Variants in NLRP1 observed in about 807,000 individuals in gnomAD.
The protein encoded by NLRP1 is NLR family pyrin domain containing 1, also known as NACHT, LRR and PYD domains-containing protein 1.
In NLRP1, 94 loss-of-function variants were observed where a neutral mutation model predicts 136.7. The observed-to-expected ratio is 0.69, with a 90% CI of 0.58 to 0.82. The LOEUF (loss-of-function observed/expected upper bound fraction) is 0.82. Ranked by LOEUF, NLRP1 falls within the 40% of genes least tolerant of loss-of-function variation. NLRP1 has a pLI of 0.00. For synonymous variants in NLRP1, 690 were observed against 725.1 expected, an observed-to-expected ratio of 0.95 and a Z score of 0.78; for missense variants, 1,575 against 1,802.7, an observed-to-expected ratio of 0.87 and a Z score of 2.29.
At chr17:5,510,453 AC>A (rs1907567642), downstream of NLRP1, among the ~76,000 whole-genome samples, 1 of 151,762 alleles carries the variant, frequency 6.6e-6, no homozygotes. Context: ...TGTGCCTCCC[AC>A]GTACAAGCAA....
intron 3 of NLRP1, among the ~76,000 whole-genome samples, chr17:5,570,878 C>T (rs1350047275): frequency 6.6e-6 from 1 of 152,120 alleles, no homozygotes; most frequent in African/African-American, 2.4e-5. Flanking sequence ...TACTAGCAAA[C>T]TGAATCCAGC....
At chr17:5,534,197 T>C (rs1910733154) in intron 8 of NLRP1, among the ~76,000 whole-genome samples, 1 of 151,902 alleles carries the variant, frequency 6.6e-6, no homozygotes, top group Non-Finnish European at 1.5e-5. Context: ...CCTCCCCACC[T>C]CATCTCTGCC....
chr17:5,534,960 G>A (rs549313793), intron 8 of NLRP1, among the ~76,000 whole-genome samples: 4 of 152,296 alleles, frequency 2.6e-5, no homozygotes, highest in South Asian at 2.1e-4. Context: ...GGTGGCTCAC[G>A]CCTGGAATCC....
intron 5 of NLRP1, among the ~76,000 whole-genome samples, chr17:5,545,419 C>G (rs141550524): frequency 1.4e-3 from 209 of 150,230 alleles, no homozygotes; most frequent in African/African-American, 4.8e-3. Context: ...CACACATACA[C>G]AGACATACAC....
chr17:5,573,219 G>C (rs1041963494), intron 3 of NLRP1, among the ~76,000 whole-genome samples: 1 of 152,186 alleles, frequency 6.6e-6, no homozygotes, highest in Admixed American at 6.5e-5. Flanking sequence ...CTCACTTATT[G>C]CTAGCCAGCA....
rs775062733 is a variant in NLRP1 at position 5,582,801 on chromosome 17, C to G, written c.317G>C (p.Gly106Ala). 1 of 1,613,760 alleles carries G rather than the reference C, an allele frequency of 6.2e-7. No individual in the cohort carries two copies. The change falls in exon 2 of 17, where the codon GGG becomes GCG. Residue 106 changes from glycine to alanine, a missense_variant. By Grantham distance (60) the Gly-to-Ala change is moderately conservative. Coordinates refer to ENST00000572272, the MANE Select transcript of NLRP1 (RefSeq NM_033004.4). ...GGTGGAGGTGGGTTGGCTGGGAGAC[C>G]CCAGGTGGGGTTCACTTGGGCTGTA... is the stretch of plus-strand genomic sequence containing the variant. ...FPYSPSEPHLGSPSQPTSTAV... is the reference protein window; with the variant it reads ...FPYSPSEPHLASPSQPTSTAV...
chr17:5,567,409 A>G (rs566224972), intron 3 of NLRP1, among the ~76,000 whole-genome samples: 1 of 151,986 alleles, frequency 6.6e-6, no homozygotes, highest in Non-Finnish European at 1.5e-5. Context: ...TAACAACACT[A>G]TTTGGATAAA....
chr17:5,583,084 T>A lies in NLRP1; in HGVS notation c.272-238A>T, dbSNP rs1362795903. ...TTTGCATATCTGTCTTGGTCCTGAC[T>A]ATCTCCCTGTGTAAATCACTACTCC... On this transcript the variant is annotated intron_variant, in intron 1 of 16. Coordinates refer to ENST00000572272, the MANE Select transcript of NLRP1 (RefSeq NM_033004.4). This position sits in a 1 kb window ranked among gnomAD's most constrained non-coding sequence, Gnocchi z 4.5. Among the ~76,000 whole-genome samples, 1 of 152,174 alleles carries A rather than the reference T, an allele frequency of 6.6e-6. No individual in the cohort carries two copies. Among genetic ancestry groups the A allele is most frequent in the Non-Finnish European group, 1.5e-5 (1 of 68,032 alleles).
chr17:5,521,970 G>A (rs569989481), intron 12 of NLRP1, among the ~76,000 whole-genome samples, 184 bp from the exon 13 acceptor site: 224 of 152,284 alleles, frequency 1.5e-3, no homozygotes, highest in African/African-American at 5.0e-3. Context: ...GATTACAGGC[G>A]CCTGCCACCA....
chr17:5,533,249 G>T, intron 10 of NLRP1, 55 bp downstream of exon 10: 1 of 1,551,424 alleles, frequency 6.4e-7, no homozygotes, highest in East Asian at 2.4e-5. Flanking sequence ...AGGTGGGCAG[G>T]TTGAGAGAGA....
intron 5 of NLRP1, among the ~76,000 whole-genome samples, chr17:5,545,293 G>C (rs1303981279): frequency 6.6e-6 from 1 of 151,700 alleles, no homozygotes; most frequent in African/African-American, 2.4e-5. Flanking sequence ...AGGTGACAGA[G>C]CGAAACCCCA....
At chr17:5,575,688 AC>A (rs929955564) in intron 3 of NLRP1, among the ~76,000 whole-genome samples, 2 of 152,188 alleles carry the variant, frequency 1.3e-5, no homozygotes, top group Non-Finnish European at 2.9e-5. Flanking sequence ...AGACTTTAAC[AC>A]CCCCCTGTCA....
In NLRP1 at chr17:5,584,028, C is replaced by T. The variant is rs1906014806; in HGVS notation, c.-71G>A. 1 of 1,445,920 alleles carries T rather than the reference C, an allele frequency of 6.9e-7. No individual in the cohort carries two copies. The highest frequency in any genetic ancestry group is 9.4e-7 in the Non-Finnish European group (1 of 1,065,208). 89.6% of individuals were successfully genotyped at this position (1,445,920 alleles called of 1,614,324 possible). A position where few individuals can be genotyped will look rare whatever the true frequency, so the allele number is the denominator to read the frequency against. ...GTGAGGGTATCAGGCAGGCAGAGAACAGTGCTGTCCTTTGCCTTGGCTCTT... is the reference window on the plus strand; with the variant it reads ...GTGAGGGTATCAGGCAGGCAGAGAATAGTGCTGTCCTTTGCCTTGGCTCTT... On this transcript the variant is annotated 5_prime_UTR_variant, in exon 1 of 17. Coordinates refer to ENST00000572272, the MANE Select transcript of NLRP1 (RefSeq NM_033004.4).
rs200183366 is a variant in NLRP1 at position 5,534,000 on chromosome 17, A to G, written c.2961-12T>C. ...TCACACTTGGTTTCCTGGACAAAGA[A>G]TTGTTCATTCTGCCTAAGATCTTGG... On this transcript the variant is annotated splice_polypyrimidine_tract_variant and intron_variant, in intron 8 of 16. Coordinates refer to ENST00000572272, the MANE Select transcript of NLRP1 (RefSeq NM_033004.4). 5.6e-5 allele frequency: 88 copies of G among 1,576,616 alleles called. No individual in the cohort carries two copies. The highest frequency in any genetic ancestry group is 5.2e-5 in the Non-Finnish European group (60 of 1,146,022).
At chr17:5,531,471 G>A (rs1173324884) in intron 11 of NLRP1, among the ~76,000 whole-genome samples, 1 of 152,046 alleles carries the variant, frequency 6.6e-6, no homozygotes, top group Non-Finnish European at 1.5e-5. Flanking sequence ...CTCCTGCCTC[G>A]GTCTCTTAAA....
chr17:5,547,236 T>G (rs1248191387), intron 5 of NLRP1, among the ~76,000 whole-genome samples: 1 of 152,080 alleles, frequency 6.6e-6, no homozygotes, highest in Non-Finnish European at 1.5e-5. Context: ...GTACATAGCA[T>G]ACATGTCCTA....
chr17:5,519,490 C>T (rs1354614573), intron 14 of NLRP1, among the ~76,000 whole-genome samples: 3 of 148,578 alleles, frequency 2.0e-5, no homozygotes, highest in Non-Finnish European at 4.5e-5. Context: ...TTGTAGCCCA[C>T]ACTGGAGTGC....
chr17:5,559,796 C>T lies in NLRP1; in HGVS notation c.900G>A (p.Trp300Ter), dbSNP rs199601420. ...RSQDPLVKRS[W>*]PDYVEENRGH... Reference sequence around the variant, plus strand: ...CTCGATTCTCCTCCACATAATCAGGCCAGCTTCTCTTGACCAGGGGATCTT... The same window carrying T: ...CTCGATTCTCCTCCACATAATCAGGTCAGCTTCTCTTGACCAGGGGATCTT... Residue 300 changes from tryptophan to a stop codon, truncating the protein, a stop_gained, in exon 4 of 17, where the codon TGG becomes TGA. Transcript: ENST00000572272. LOFTEE classifies it high-confidence loss of function. 53 of 1,614,126 alleles carry T rather than the reference C, an allele frequency of 3.3e-5. No individual in the cohort carries two copies. The highest frequency in any genetic ancestry group is 4.2e-5 in the Non-Finnish European group (50 of 1,180,048).
chr17:5,518,553 T>C (rs1437185442), intron 14 of NLRP1: 1 of 150,070 alleles, frequency 6.7e-6, no homozygotes, highest in Non-Finnish European at 1.5e-5. Flanking sequence ...TGTTTTTTTC[T>C]CTTTTTCTTT....
Sources: allele counts gnomAD v4.1 joint callset (sites outside exome capture counted in the v4.1 genomes callset), GRCh38; gene constraint gnomAD v4.1.1; non-coding constraint Gnocchi (gnomAD v3.1); transcripts MANE v1.5; gene names NCBI Gene and HGNC (gene_info 2026-07-23, HGNC 2026-07-21).